SLC35F1: variants seen among roughly 807,000 people sequenced by gnomAD.
SLC35F1 encodes the protein solute carrier family 35 member F1.
SLC35F1 carries 14 observed loss-of-function variants against 48.7 expected under a neutral mutation model. The observed-to-expected ratio is 0.29, with a 90% CI of 0.19 to 0.45. SLC35F1 has a LOEUF of 0.45. SLC35F1 is among the 20% of genes least tolerant of loss of function. The probability of loss-of-function intolerance (pLI) is 1.00; values close to 1 mark genes in which losing one functional copy is unlikely to be tolerated. For missense variants in SLC35F1, 404 were observed against 500.0 expected (o/e 0.81, Z 1.83); for synonymous variants, 190 against 202.2 (o/e 0.94, Z 0.51).
intron 1 of SLC35F1, among the ~76,000 whole-genome samples, chr6:117,974,888 TCA>T (rs1367827578): frequency 6.6e-6 from 1 of 152,374 alleles, no homozygotes; most frequent in East Asian, 1.9e-4. Context: ...ACAAGTGGAC[TCA>T]CATATCTGCT....
chr6:117,914,907 T>C (rs1023664487), intron 1 of SLC35F1, among the ~76,000 whole-genome samples: 3 of 151,132 alleles, frequency 2.0e-5, no homozygotes, highest in Non-Finnish European at 2.9e-5. Flanking sequence ...TTAAAAAATA[T>C]TAAAAAAAAA....
intron 2 of SLC35F1, among the ~76,000 whole-genome samples, chr6:118,225,189 C>A (rs1479881783): frequency 6.6e-6 from 1 of 152,140 alleles, no homozygotes; most frequent in Non-Finnish European, 1.5e-5. Context: ...CCAAAGCAAT[C>A]CTGAGCAAAA....
At chr6:118,190,071 T>A (rs751445192) in intron 2 of SLC35F1, among the ~76,000 whole-genome samples, 23 of 152,334 alleles carry the variant, frequency 1.5e-4, no homozygotes, top group Admixed American at 1.2e-3. Context: ...TCTCAGGCCA[T>A]ATTTAGTTTG....
chr6:118,183,098 A>G (rs924053078), intron 2 of SLC35F1, among the ~76,000 whole-genome samples: 4 of 152,216 alleles, frequency 2.6e-5, no homozygotes, highest in Non-Finnish European at 4.4e-5. Flanking sequence ...TGTATGGCTC[A>G]GATTGTTGCA....
chr6:118,267,106 G>C lies in SLC35F1; in HGVS notation c.589G>C (p.Gly197Arg). 1 of 1,614,044 alleles carries C rather than the reference G, an allele frequency of 6.2e-7. No individual in the cohort carries two copies. Among genetic ancestry groups the C allele is most frequent in the Non-Finnish European group, 8.5e-7 (1 of 1,179,936 alleles). Reference sequence around the variant, plus strand: ...CATCGTTGTCTGCATCCTGGGAATGGGCTGCATGGTGGGAGCAGATGTGCT... The same window carrying C: ...CATCGTTGTCTGCATCCTGGGAATGCGCTGCATGGTGGGAGCAGATGTGCT... ...IGIVVCILGM[G>R]CMVGADVLVG... is the part of the protein sequence containing the mutation. Residue 197 changes from glycine (G) to arginine (R), a missense_variant, in exon 4 of 8, where the codon GGC becomes CGC. Gly to Arg is a moderately radical substitution (Grantham distance 125). Transcript: ENST00000360388.
chr6:118,078,775 T>C (rs557250836), intron 1 of SLC35F1, among the ~76,000 whole-genome samples: 1 of 152,256 alleles, frequency 6.6e-6, no homozygotes, highest in South Asian at 2.1e-4. Flanking sequence ...CTTTCAGCAT[T>C]GGTGCAGCTT....
chr6:118,276,263 A>G (rs572605102), intron 5 of SLC35F1, among the ~76,000 whole-genome samples: 1 of 152,308 alleles, frequency 6.6e-6, no homozygotes, highest in African/African-American at 2.4e-5. Context: ...CAATCAAAGC[A>G]ATTTTCCACC....
intron 1 of SLC35F1, among the ~76,000 whole-genome samples, chr6:118,023,774 C>T (rs931804008): frequency 5.9e-5 from 9 of 152,194 alleles, no homozygotes; most frequent in Admixed American, 1.3e-4. Context: ...TCTTATAAAC[C>T]TGGAGCCTTC....
chr6:118,096,523 C>A (rs1176896688), intron 1 of SLC35F1, among the ~76,000 whole-genome samples: 1 of 152,202 alleles, frequency 6.6e-6, no homozygotes, highest in East Asian at 1.9e-4. Flanking sequence ...TGACTACACA[C>A]TGAGCAGTTC....
Position 118,112,930 on chromosome 6 carries a change from G to A in SLC35F1, c.174-41515G>A, listed in dbSNP as rs545043883. On this transcript the variant is annotated intron_variant, in intron 1 of 7. Transcript: ENST00000360388. ...ATATACCAATTAAAAGATGGAGACT[G>A]TCAGAATGAATTAAAAAACTAGTCC... Among the ~76,000 whole-genome samples the A allele has an allele frequency of 2.6e-5, 4 of 152,136 alleles. No homozygotes were observed. The South Asian group carries it at 8.3e-4, about 32-fold the overall frequency.
intron 3 of SLC35F1, among the ~76,000 whole-genome samples, chr6:118,243,814 A>G (rs898494085): frequency 2.0e-5 from 3 of 152,218 alleles, no homozygotes; most frequent in Non-Finnish European, 4.4e-5. Flanking sequence ...TCTTAAGGCT[A>G]TATTTTCTTC....
chr6:117,977,992 A>G (rs773942294), intron 1 of SLC35F1, among the ~76,000 whole-genome samples: 15 of 152,162 alleles, frequency 9.9e-5, no homozygotes, highest in Non-Finnish European at 2.1e-4. Flanking sequence ...TTTAGTTTTT[A>G]CTTGAATTTT....
At chr6:118,233,478 GAA>G (rs1775323083) in intron 2 of SLC35F1, among the ~76,000 whole-genome samples, 1 of 152,216 alleles carries the variant, frequency 6.6e-6, no homozygotes, top group Admixed American at 6.5e-5. Flanking sequence ...GCAAAACCAT[GAA>G]AAGAGTGACT....
At chr6:117,977,118 G>T (rs1189752341) in intron 1 of SLC35F1, among the ~76,000 whole-genome samples, 1 of 151,960 alleles carries the variant, frequency 6.6e-6, no homozygotes, top group Non-Finnish European at 1.5e-5. Flanking sequence ...GATGATACAT[G>T]TGATGATTTC....
At chr6:117,958,397 C>T (rs1776454004) in intron 1 of SLC35F1, among the ~76,000 whole-genome samples, 1 of 152,132 alleles carries the variant, frequency 6.6e-6, no homozygotes, top group Non-Finnish European at 1.5e-5. Context: ...TACAGCGGTG[C>T]ATAATGATAT....
chr6:118,291,362 A>G (rs1776121133), intron 7 of SLC35F1, among the ~76,000 whole-genome samples: 1 of 152,044 alleles, frequency 6.6e-6, no homozygotes. Flanking sequence ...TATTTTGGGG[A>G]AAAAGTATTT....
chr6:118,124,685 G>A (rs993011055), intron 1 of SLC35F1, among the ~76,000 whole-genome samples: 3 of 152,158 alleles, frequency 2.0e-5, no homozygotes, highest in African/African-American at 7.2e-5. Flanking sequence ...TAAACCTGAT[G>A]AGAGTCGCAA....
intron 1 of SLC35F1, among the ~76,000 whole-genome samples, chr6:118,136,433 A>G (rs899452564): frequency 6.6e-6 from 1 of 152,160 alleles, no homozygotes; most frequent in East Asian, 1.9e-4. Context: ...TTTGGTCTCT[A>G]TGCTAACAAG....
intron 6 of SLC35F1, among the ~76,000 whole-genome samples, chr6:118,283,169 C>T (rs544702664): frequency 1.8e-4 from 27 of 152,250 alleles, no homozygotes; most frequent in African/African-American, 6.3e-4. Context: ...GCATCTGGGA[C>T]ACTTGAGGCC....
Sources: allele counts gnomAD v4.1 joint callset (sites outside exome capture counted in the v4.1 genomes callset), GRCh38; gene constraint gnomAD v4.1.1; transcripts MANE v1.5; gene names NCBI Gene and HGNC (gene_info 2026-07-23, HGNC 2026-07-21).